Variants in MAML2 observed in about 807,000 individuals in gnomAD.
MAML2 encodes the protein mastermind-like protein 2.
A neutral mutation model predicts 96.1 loss-of-function variants in MAML2; 22 were observed. The ratio of observed to expected loss-of-function variants is 0.23; its 90% CI spans 0.16 to 0.33. The LOEUF is 0.33. MAML2 is among the 10% of genes least tolerant of loss of function. MAML2 has a pLI of 1.00. For missense variants in MAML2, 1,367 were observed against 1,392.4 expected (o/e 0.98, Z 0.29); for synonymous variants, 561 against 521.3 (o/e 1.08, Z -1.04).
intron 1 of MAML2, among the ~76,000 whole-genome samples, chr11:96,115,638 G>T (rs949381570): frequency 1.3e-5 from 2 of 152,144 alleles, no homozygotes; most frequent in African/African-American, 4.8e-5. Flanking sequence ...TGTCATACAC[G>T]TGTTCAAGGA....
intron 1 of MAML2, among the ~76,000 whole-genome samples, chr11:96,332,842 G>A (rs937112041): frequency 6.6e-6 from 1 of 151,268 alleles, no homozygotes; most frequent in African/African-American, 2.4e-5. Context: ...CTCCAGATAT[G>A]AGCATTTTAC....
intron 1 of MAML2, among the ~76,000 whole-genome samples, chr11:96,315,701 C>G (rs1660820471): frequency 6.6e-6 from 1 of 152,200 alleles, no homozygotes; most frequent in Non-Finnish European, 1.5e-5. Context: ...GAAGGCCCAA[C>G]AGAGAAGAGA....
intron 2 of MAML2, among the ~76,000 whole-genome samples, chr11:96,085,520 T>C (rs1334614557): frequency 6.6e-6 from 1 of 152,192 alleles, no homozygotes; most frequent in African/African-American, 2.4e-5. Context: ...CAAAGGGGAT[T>C]GTTTGAGTCA....
At chr11:96,090,951 C>T (rs753553970) in intron 2 of MAML2, among the ~76,000 whole-genome samples, 12 of 152,198 alleles carry the variant, frequency 7.9e-5, no homozygotes, top group African/African-American at 1.9e-4. Context: ...AGATAGATAA[C>T]GCAGACCTGT....
intron 1 of MAML2, among the ~76,000 whole-genome samples, chr11:96,206,319 C>T (rs1861895068): frequency 3.3e-5 from 5 of 152,090 alleles, no homozygotes; most frequent in Admixed American, 2.6e-4. Flanking sequence ...GCCGGATAGG[C>T]GGGTGCGGTG....
chr11:96,150,177 T>C lies in MAML2; in HGVS notation c.514-56660A>G, dbSNP rs1860897015. Among the ~76,000 whole-genome samples, 4 of 152,366 alleles carry C rather than the reference T, an allele frequency of 2.6e-5. No homozygotes were observed. The South Asian group carries it at 8.3e-4, about 32-fold the overall frequency. On this transcript the variant is annotated intron_variant, in intron 1 of 4. Transcript: ENST00000524717. Reference sequence around the variant, plus strand: ...GCCATCACAGCAAGAAAAGCTTTGCTCTTCCTCCTGATTCATACATCAAAC... The same window carrying C: ...GCCATCACAGCAAGAAAAGCTTTGCCCTTCCTCCTGATTCATACATCAAAC...
At chr11:96,009,518 C>CA (rs11459918) in intron 2 of MAML2, among the ~76,000 whole-genome samples, 152,306 of 152,306 alleles carry the variant, frequency 1, 76,153 homozygotes, top group Non-Finnish European at 1. Context: ...TTGTTATTTA[C>CA]AAAGAAATCA....
At chr11:96,156,974 C>T (rs1468787297) in intron 1 of MAML2, among the ~76,000 whole-genome samples, 1 of 152,164 alleles carries the variant, frequency 6.6e-6, no homozygotes, top group Non-Finnish European at 1.5e-5. Context: ...TTTAAAGTCC[C>T]CAGCCATGTC....
chr11:96,057,007 A>G (rs1472230982), intron 2 of MAML2, among the ~76,000 whole-genome samples: 1 of 152,150 alleles, frequency 6.6e-6, no homozygotes, highest in Non-Finnish European at 1.5e-5. Flanking sequence ...ACTTTCAATG[A>G]TCTAGTTTCA....
At chr11:96,208,668 C>A (rs1203143665) in intron 1 of MAML2, among the ~76,000 whole-genome samples, 3 of 152,070 alleles carry the variant, frequency 2.0e-5, no homozygotes, top group Admixed American at 1.3e-4. Context: ...TTCTTTAACA[C>A]CCCCCAAAGA....
At position 96,071,202 on chromosome 11, in the gene MAML2, A is replaced by T. The variant is rs906948699; in HGVS notation, c.2139+20690T>A. 4.6e-5 allele frequency among the ~76,000 whole-genome samples: 7 copies of T among 152,378 alleles called. No individual in the cohort carries two copies. In the South Asian group the frequency reaches 1.4e-3, roughly 32 times the overall value. Reference sequence around the variant, plus strand: ...AGGAGGGACTGGAGCTTCCCGAGGAAATAAAACTATGAAGAACTGTAGAGT... The same window carrying T: ...AGGAGGGACTGGAGCTTCCCGAGGATATAAAACTATGAAGAACTGTAGAGT... On this transcript the variant is annotated intron_variant, in intron 2 of 4. Transcript: ENST00000524717.
chr11:96,027,756 G>A (rs678999), intron 2 of MAML2, among the ~76,000 whole-genome samples: 39,362 of 152,030 alleles, frequency 0.26, 5,316 homozygotes, highest in South Asian at 0.37. Flanking sequence ...TTTTGAGACA[G>A]TGTCTCATTC....
intron 2 of MAML2, among the ~76,000 whole-genome samples, chr11:96,040,761 T>C (rs562484118): frequency 6.6e-6 from 1 of 152,252 alleles, no homozygotes; most frequent in African/African-American, 2.4e-5. Flanking sequence ...AGTGAGACTT[T>C]GTCTCAAAGA....
At chr11:95,997,053 C>T (rs1858002883) in intron 2 of MAML2, among the ~76,000 whole-genome samples, 1 of 152,050 alleles carries the variant, frequency 6.6e-6, no homozygotes, top group African/African-American at 2.4e-5. Flanking sequence ...ACCCAGTTTT[C>T]TAGACAAACC....
intron 1 of MAML2, among the ~76,000 whole-genome samples, chr11:96,163,530 G>T (rs536612407): frequency 1.3e-5 from 2 of 152,284 alleles, no homozygotes; most frequent in South Asian, 4.1e-4. Flanking sequence ...GAAAGACAAG[G>T]TACTTAGACA....
At chr11:96,030,027 T>A (rs1858587385) in intron 2 of MAML2, among the ~76,000 whole-genome samples, 2 of 152,090 alleles carry the variant, frequency 1.3e-5, no homozygotes, top group Non-Finnish European at 1.5e-5. Context: ...AGGTCAGACG[T>A]TCGAGACCAA....
At chr11:96,075,583 T>A (rs1384783383) in intron 2 of MAML2, among the ~76,000 whole-genome samples, 1 of 152,034 alleles carries the variant, frequency 6.6e-6, no homozygotes, top group Non-Finnish European at 1.5e-5. Context: ...GTGTGCTGGG[T>A]GCTGGGGACT....
chr11:96,286,699 C>T (rs1480769597), intron 1 of MAML2, among the ~76,000 whole-genome samples: 1 of 150,706 alleles, frequency 6.6e-6, no homozygotes. Flanking sequence ...AATTACTATG[C>T]CAATTCCCCA....
intron 2 of MAML2, among the ~76,000 whole-genome samples, chr11:96,090,211 C>A (rs1022305286): frequency 3.3e-5 from 5 of 152,002 alleles, no homozygotes; most frequent in African/African-American, 9.7e-5. Context: ...AGAGATAATT[C>A]TCTTTTATTT....
Sources: allele counts gnomAD v4.1 joint callset (sites outside exome capture counted in the v4.1 genomes callset), GRCh38; gene constraint gnomAD v4.1.1; transcripts MANE v1.5; gene names NCBI Gene and HGNC (gene_info 2026-07-23, HGNC 2026-07-21).